Variants in NIPBL observed in about 807,000 individuals in gnomAD.
NIPBL encodes the protein nipped-B-like protein.
In NIPBL, 19 loss-of-function variants were observed where a neutral mutation model predicts 321.8. The observed-to-expected ratio is 0.06, with a 90% CI of 0.04 to 0.09. The LOEUF (loss-of-function observed/expected upper bound fraction) is 0.09, where lower values mean the gene tolerates loss of function less well. Among genes scored for constraint, NIPBL ranks in the 10% least tolerant of loss-of-function variants. NIPBL has a pLI of 1.00. For missense variants in NIPBL, 2,210 were observed against 3,327.0 expected (o/e 0.66, Z 8.26); for synonymous variants, 1,106 against 1,114.1 (o/e 0.99, Z 0.14).
chr5:37,062,036 T>C (rs943940690), intron 45 of NIPBL, among the ~76,000 whole-genome samples: 1 of 152,176 alleles, frequency 6.6e-6, no homozygotes, highest in African/African-American at 2.4e-5. Flanking sequence ...GAGATGGGGT[T>C]TCACCATGTT....
chr5:37,022,796 A>AT (rs1325573033), intron 29 of NIPBL, among the ~76,000 whole-genome samples: 1 of 152,154 alleles, frequency 6.6e-6, no homozygotes, highest in Non-Finnish European at 1.5e-5. Flanking sequence ...ACCTGACAAT[A>AT]TTTTTGGATC....
intron 16 of NIPBL, among the ~76,000 whole-genome samples, chr5:37,005,494 A>G (rs1444777527): frequency 6.6e-6 from 1 of 152,214 alleles, no homozygotes; most frequent in African/African-American, 2.4e-5. Flanking sequence ...AACGTTTGGC[A>G]TGAATCATGA....
chr5:36,950,347 A>G (rs910309248), intron 1 of NIPBL, among the ~76,000 whole-genome samples: 18 of 152,022 alleles, frequency 1.2e-4, no homozygotes, highest in African/African-American at 4.3e-4. Flanking sequence ...ATCACTTACT[A>G]TGTGCCAGGT....
intron 38 of NIPBL, among the ~76,000 whole-genome samples, chr5:37,047,623 G>T (rs963907319): frequency 4.6e-5 from 7 of 152,274 alleles, no homozygotes; most frequent in African/African-American, 1.7e-4. Flanking sequence ...GTATTTCAGA[G>T]TACAAAAAGA....
chr5:36,911,484 T>A (rs1748045716), intron 1 of NIPBL, among the ~76,000 whole-genome samples: 1 of 152,198 alleles, frequency 6.6e-6, no homozygotes, highest in Non-Finnish European at 1.5e-5. Flanking sequence ...CCTATTTAAT[T>A]TGTCCCTCTT....
chr5:36,970,858 T>A lies in NIPBL; in HGVS notation c.611-18T>A. Reference sequence around the variant, plus strand: ...AAGAATCTTTTATTAAACCTTTTTTTATTCTTATTAATTTCAGCATCGGTA... The same window carrying A: ...AAGAATCTTTTATTAAACCTTTTTTAATTCTTATTAATTTCAGCATCGGTA... On this transcript the variant is annotated intron_variant, in intron 6 of 46. Transcript: ENST00000282516. 6.2e-7 allele frequency: 1 copy of A among 1,605,250 alleles called. No homozygotes were observed. The highest frequency in any genetic ancestry group is 8.5e-7 in the Non-Finnish European group (1 of 1,172,472).
intron 1 of NIPBL, among the ~76,000 whole-genome samples, chr5:36,882,531 C>G (rs72734672): frequency 0.017 from 2,637 of 151,986 alleles, 32 homozygotes; most frequent in Middle Eastern, 0.041. Context: ...TAAGCCTTAA[C>G]CACGATACTG....
intron 21 of NIPBL, among the ~76,000 whole-genome samples, chr5:37,013,441 A>G (rs1454915161): frequency 6.8e-6 from 1 of 147,872 alleles, no homozygotes; most frequent in Non-Finnish European, 1.5e-5. Flanking sequence ...GGGGCTCCTC[A>G]CTTCTCAGAC....
chr5:36,992,724 T>TTATTTATTTATA (rs1482811507), intron 10 of NIPBL, among the ~76,000 whole-genome samples: 7 of 142,882 alleles, frequency 4.9e-5, no homozygotes, highest in Non-Finnish European at 7.8e-5. Context: ...ATTTATTTAT[T>TTATTTATTTATA]TATTTATTTA....
At chr5:36,993,530 C>T (rs1290436377) in intron 10 of NIPBL, among the ~76,000 whole-genome samples, 1 of 151,966 alleles carries the variant, frequency 6.6e-6, no homozygotes, top group East Asian at 1.9e-4. Flanking sequence ...AGAGAGAGCA[C>T]AAGAACTAGT....
intron 21 of NIPBL, among the ~76,000 whole-genome samples, chr5:37,012,512 GA>G (rs1235073581): frequency 3.3e-5 from 5 of 149,356 alleles, no homozygotes; most frequent in Admixed American, 6.7e-5. Flanking sequence ...CGCAGAGGGG[GA>G]TTTGGCAGGG....
chr5:36,985,603 G>C lies in NIPBL; in HGVS notation c.2423G>C (p.Arg808Pro), dbSNP rs142574933. The C allele has an allele frequency of 1.2e-6, 2 of 1,613,886 alleles. No individual in the cohort carries two copies. The highest frequency in any genetic ancestry group is 1.1e-5 in the South Asian group (1 of 91,066). ...GCCTTAAAGCAGAGACCTGATGGGC[G>C]ATCTGTTTCTGAGTCACTAAGACGT... Reference protein sequence around the residue: ...AEALKQRPDGRSVSESLRRDH... With the variant: ...AEALKQRPDGPSVSESLRRDH... The change falls in exon 10 of 47, where the codon CGA becomes CCA. Residue 808 changes from arginine to proline, a missense_variant. Coordinates refer to ENST00000282516, the MANE Select transcript of NIPBL (RefSeq NM_133433.4).
rs1753563017 is a variant in NIPBL, at chr5:37,051,696, A to T, written c.6955-83A>T. 6.9e-6 allele frequency: 6 copies of T among 869,714 alleles called. No homozygotes were observed. In the South Asian group the frequency reaches 7.0e-5, roughly 10 times the overall value. 53.9% of individuals were successfully genotyped at this position (869,714 alleles called of 1,614,324 possible). On this transcript the variant is annotated intron_variant, in intron 40 of 46. Transcript: ENST00000282516. The stretch of plus-strand genomic sequence containing the variant: ...CTATAAGGTTAAATTCATATATCTC[A>T]GATATATGAAAAGTTTTGACATATG...
Position 36,952,018 on chromosome 5 carries a change from CTGTGTG to C in NIPBL, c.-79-1569_-79-1564del, listed in dbSNP as rs60067315. On this transcript the variant is annotated intron_variant, in intron 1 of 46. Coordinates refer to ENST00000282516, the MANE Select transcript of NIPBL (RefSeq NM_133433.4). ...ATGCTTACTTTATAACTCTGTTAAACTGTGTGTGTGTGTGTGTGTGTGTGTGTGTGT... is the reference window on the plus strand; with the variant it reads ...ATGCTTACTTTATAACTCTGTTAAACTGTGTGTGTGTGTGTGTGTGTGTGT... 4.7e-4 allele frequency among the ~76,000 whole-genome samples: 48 copies of C among 101,952 alleles called. No individual in the cohort carries two copies. The highest frequency in any genetic ancestry group is 3.9e-3 in the East Asian group (10 of 2,586). 66.9% of individuals were successfully genotyped at this position (101,952 alleles called of 152,430 possible).
chr5:36,995,402 G>A (rs1746023202), intron 10 of NIPBL: 4 of 400,552 alleles, frequency 1.0e-5, no homozygotes, highest in Non-Finnish European at 1.3e-5. Flanking sequence ...GTGGTGTCAT[G>A]TTTTTAAAGT....
rs750120861 is a variant in NIPBL at position 37,064,614 on chromosome 5, A to C, written c.8137A>C (p.Ile2713Leu). 1.3e-5 allele frequency: 21 copies of C among 1,614,144 alleles called. No homozygotes were observed. Among genetic ancestry groups the C allele is most frequent in the Non-Finnish European group, 3.4e-6 (4 of 1,180,028 alleles). Residue 2713 changes from isoleucine (I) to leucine (L), a missense_variant, in exon 47 of 47, where the codon ATT becomes CTT. Around this residue, in one of 14 missense-constraint regions of NIPBL, gnomAD observed 159 missense variants for 319.2 expected, o/e 0.50. Coordinates refer to ENST00000282516, the MANE Select transcript of NIPBL (RefSeq NM_133433.4). ...TGTTGACGTCATGGATGTCATCGCT[A>C]TTTGCTGTCCAAAGTACAAAGATCG... ...ESVDVMDVIA[I>L]CCPKYKDRPQ...
intron 23 of NIPBL, 121 bp downstream of exon 23, chr5:37,016,291 T>C (rs1403598308): frequency 9.8e-7 from 1 of 1,023,262 alleles, no homozygotes; most frequent in Admixed American, 2.0e-5. Flanking sequence ...ATTGCATCTC[T>C]TTTTGCATGT....
intron 45 of NIPBL, among the ~76,000 whole-genome samples, chr5:37,061,284 C>T (rs1315262153): frequency 6.6e-6 from 1 of 152,040 alleles, no homozygotes; most frequent in Non-Finnish European, 1.5e-5. Flanking sequence ...ATAGGAAAAC[C>T]TGTGTGTGTT....
At chr5:36,881,125 G>A (rs558711774) in intron 1 of NIPBL, among the ~76,000 whole-genome samples, 1 of 152,022 alleles carries the variant, frequency 6.6e-6, no homozygotes, top group Non-Finnish European at 1.5e-5. Context: ...TATTTTCCTG[G>A]TATGAAAATA....
Sources: allele counts gnomAD v4.1 joint callset (sites outside exome capture counted in the v4.1 genomes callset), GRCh38; gene constraint gnomAD v4.1.1; regional missense constraint gnomAD v4.1.1; transcripts MANE v1.5; gene names NCBI Gene and HGNC (gene_info 2026-07-23, HGNC 2026-07-21).